The following ROBO2 variants were observed in gnomAD, a reference collection of about 807,000 sequenced individuals.
ROBO2 encodes roundabout homolog 2.
A neutral mutation model predicts 160.8 loss-of-function variants in ROBO2; 53 were observed. The ratio of observed to expected loss-of-function variants is 0.33; its 90% CI spans 0.26 to 0.41. The LOEUF (loss-of-function observed/expected upper bound fraction) is 0.41, where lower values mean the gene tolerates loss of function less well. ROBO2 is among the 10% of genes least tolerant of loss of function. The pLI, the probability that ROBO2 is intolerant of heterozygous loss-of-function variation, is 1.00. For missense variants in ROBO2, 1,577 were observed against 1,722.4 expected (o/e 0.92, Z 1.49); for synonymous variants, 664 against 611.7 (o/e 1.09, Z -1.26).
intron 2 of ROBO2, among the ~76,000 whole-genome samples, chr3:76,285,031 G>A (rs890262795): frequency 6.6e-6 from 1 of 152,150 alleles, no homozygotes; most frequent in African/African-American, 2.4e-5. Context: ...TATGCTGGGA[G>A]AAGTATTTGA....
At chr3:76,860,321 A>C (rs1421892221) in intron 2 of ROBO2, among the ~76,000 whole-genome samples, 1 of 152,188 alleles carries the variant, frequency 6.6e-6, no homozygotes, top group African/African-American at 2.4e-5. Context: ...TTCACCACAA[A>C]AAATGTTTTC....
chr3:76,595,763 A>G lies in ROBO2; in HGVS notation c.110-502251A>G, dbSNP rs148315600. ...AGGAATCAAAATAGAATGATTTTGTAGGTCTGGGACATTATTAGCACAAAA... is the reference window on the plus strand; with the variant it reads ...AGGAATCAAAATAGAATGATTTTGTGGGTCTGGGACATTATTAGCACAAAA... On this transcript the variant is annotated intron_variant, in intron 2 of 26. Coordinates refer to the ROBO2 transcript ENST00000487694. Among the ~76,000 whole-genome samples the G allele has an allele frequency of 2.6e-5, 4 of 152,224 alleles. 1 individual carries two copies. The East Asian group carries it at 7.7e-4, about 29-fold the overall frequency.
At chr3:76,172,264 A>G (rs1449323123) in intron 2 of ROBO2, among the ~76,000 whole-genome samples, 1 of 140,496 alleles carries the variant, frequency 7.1e-6, no homozygotes, top group Non-Finnish European at 1.6e-5. Context: ...CAGGAAGGGG[A>G]ACATCACACA....
chr3:76,106,077 G>A (rs545794698), intron 2 of ROBO2, among the ~76,000 whole-genome samples: 26 of 152,168 alleles, frequency 1.7e-4, no homozygotes, highest in African/African-American at 5.5e-4. Flanking sequence ...ATGATCTCTC[G>A]AGATAATGTT....
In ROBO2 at chr3:76,385,991, A is replaced by T. The variant is rs573146740; in HGVS notation, c.109+448389A>T. Among the ~76,000 whole-genome samples, 207 of 152,268 alleles carry T rather than the reference A, an allele frequency of 1.4e-3. 2 individuals are homozygous for T. The highest frequency in any genetic ancestry group is 4.8e-3 in the African/African-American group (201 of 41,556). ...AAACTGAATGATCTGATACTAATTA[A>T]TTTGATGATTTAATGAAACAAATTT... is the stretch of plus-strand genomic sequence containing the variant. On this transcript the variant is annotated intron_variant, in intron 2 of 26. Coordinates refer to the ROBO2 transcript ENST00000487694.
intron 2 of ROBO2, among the ~76,000 whole-genome samples, chr3:76,923,398 C>A (rs565756095): frequency 4.0e-4 from 61 of 152,310 alleles, no homozygotes; most frequent in African/African-American, 1.4e-3. Context: ...TGTAAACAGA[C>A]AGTTATTGTA....
intron 1 of ROBO2, among the ~76,000 whole-genome samples, chr3:75,920,388 G>A (rs915070214): frequency 3.3e-5 from 5 of 152,172 alleles, no homozygotes; most frequent in Admixed American, 2.6e-4. Flanking sequence ...ACTTTGGTTT[G>A]AGAGATTGTT....
At chr3:76,982,440 CT>C (rs2060145901) in intron 2 of ROBO2, among the ~76,000 whole-genome samples, 1 of 152,078 alleles carries the variant, frequency 6.6e-6, no homozygotes, top group African/African-American at 2.4e-5. Context: ...CAATTTTATC[CT>C]AATGCCATTT....
intron 2 of ROBO2, among the ~76,000 whole-genome samples, chr3:76,386,978 A>G (rs2076922217): frequency 6.6e-6 from 1 of 152,188 alleles, no homozygotes; most frequent in African/African-American, 2.4e-5. Context: ...CTGCTATAAC[A>G]AAATTCCACA....
chr3:76,374,967 T>C (rs1209045558), intron 2 of ROBO2, among the ~76,000 whole-genome samples: 1 of 151,090 alleles, frequency 6.6e-6, no homozygotes, highest in African/African-American at 2.4e-5. Context: ...AGATGGTCTA[T>C]AGCACTGTAG....
At chr3:77,109,445 G>A (rs184335022) in intron 2 of ROBO2, among the ~76,000 whole-genome samples, 2 of 152,086 alleles carry the variant, frequency 1.3e-5, no homozygotes, top group Non-Finnish European at 2.9e-5. Context: ...AAAAACCAAG[G>A]CATGGCTCTT....
intron 1 of ROBO2, among the ~76,000 whole-genome samples, chr3:77,045,248 G>T (rs772950597): frequency 6.6e-6 from 1 of 152,174 alleles, no homozygotes; most frequent in African/African-American, 2.4e-5. Flanking sequence ...ATCTAGGGTA[G>T]CATGCTTACC....
chr3:77,612,399 G>T (rs112787059), intron 21 of ROBO2, among the ~76,000 whole-genome samples: 2 of 152,098 alleles, frequency 1.3e-5, no homozygotes, highest in African/African-American at 2.4e-5. Flanking sequence ...GGATTAAGAC[G>T]TGAACACCAT....
intron 2 of ROBO2, among the ~76,000 whole-genome samples, chr3:76,363,938 G>GA (rs2108416118): frequency 6.6e-6 from 1 of 152,092 alleles, no homozygotes; most frequent in East Asian, 1.9e-4. Flanking sequence ...CTTGGTCACA[G>GA]AAAGCTCAGG....
intron 2 of ROBO2, chr3:76,311,139 G>A (rs2071562379): frequency 6.6e-6 from 1 of 152,320 alleles, no homozygotes; most frequent in Non-Finnish European, 1.5e-5. Context: ...GAGAAATGTA[G>A]CTTGGCTCAG....
Position 76,386,947 on chromosome 3 carries a change from G to A in ROBO2, c.109+449345G>A, listed in dbSNP as rs937177168. On this transcript the variant is annotated intron_variant, in intron 2 of 26. Coordinates refer to the ROBO2 transcript ENST00000487694. Reference sequence around the variant, plus strand: ...AAGATACCTTAAAAAGCAGGTGGGAGGGAGACTCAGTCTACTCCTGCTGCT... The same window carrying A: ...AAGATACCTTAAAAAGCAGGTGGGAAGGAGACTCAGTCTACTCCTGCTGCT... Among the ~76,000 whole-genome samples the A allele has an allele frequency of 2.6e-5, 4 of 152,136 alleles. No individual in the cohort carries two copies. In the East Asian group the frequency reaches 7.7e-4, roughly 29 times the overall value.
chr3:76,198,925 G>T (rs1264357528), intron 2 of ROBO2, among the ~76,000 whole-genome samples: 4 of 152,116 alleles, frequency 2.6e-5, no homozygotes, highest in African/African-American at 9.7e-5. Flanking sequence ...TGTAACTTCT[G>T]TTCCCTTAAA....
chr3:76,726,389 C>T (rs1212724047), intron 2 of ROBO2, among the ~76,000 whole-genome samples: 1 of 152,004 alleles, frequency 6.6e-6, no homozygotes, highest in East Asian at 1.9e-4. Context: ...AACACTTTGC[C>T]CTCCCGCAAC....
exon 1 of ROBO2, chr3:77,039,902 G>GCGCCTGGC (rs1244861829): frequency 2.5e-5 from 4 of 159,716 alleles, no homozygotes; most frequent in African/African-American, 9.6e-5. Context: ...GGGCCTCAGC[G>GCGCCTGGC]CGCCTGGCGC....
Sources: gnomAD v4.1 joint callset for allele counts (sites outside exome capture counted in the v4.1 genomes callset) on GRCh38, gnomAD v4.1.1 for gene constraint, MANE v1.5 for transcripts, NCBI Gene and HGNC (gene_info 2026-07-23, HGNC 2026-07-21) for gene names.